Variants in FOLR1 observed in about 807,000 individuals in gnomAD.
FOLR1 encodes the protein folate receptor alpha, also known as KB cells FBP.
Under a neutral mutation model 22.8 loss-of-function variants are expected in FOLR1, and 11 were observed. The ratio of observed to expected loss-of-function variants is 0.48; its 90% CI spans 0.30 to 0.80. FOLR1 has a LOEUF of 0.80. FOLR1 is among the 30% of genes least tolerant of loss of function. The probability of loss-of-function intolerance (pLI) is 0.06; values close to 1 mark genes in which losing one functional copy is unlikely to be tolerated. For synonymous variants in FOLR1, 108 were observed against 116.5 expected (o/e 0.93, Z 0.47); for missense variants, 273 against 320.3 (o/e 0.85, Z 1.13).
chr11:72,192,123 C>T (rs1342523057), upstream of FOLR1: 4 of 1,609,950 alleles, frequency 2.5e-6, no homozygotes, highest in East Asian at 6.7e-5. Flanking sequence ...TAAGGCCCCA[C>T]CTCCGCATTC....
Position 72,195,884 on chromosome 11 carries a change from C to A in FOLR1, c.494-13C>A, listed in dbSNP as rs1390015403. 2.5e-6 allele frequency: 4 copies of A among 1,614,052 alleles called. No individual in the cohort carries two copies. The East Asian group carries it at 8.9e-5, about 36-fold the overall frequency. ...CGGGCCCAGTGGCTAAAGGTCTTCC[C>A]TCCTCTCTACAGGGTTTAACAAGTG... On this transcript the variant is annotated splice_polypyrimidine_tract_variant and intron_variant, in intron 3 of 3. Transcript: ENST00000393676.
chr11:72,191,273 A>C (rs1948152343), upstream of FOLR1, among the ~76,000 whole-genome samples: 2 of 152,156 alleles, frequency 1.3e-5, no homozygotes, highest in African/African-American at 4.8e-5. Flanking sequence ...TTGAGTGATG[A>C]GGCTAGAAAG....
chr11:72,193,898 C>T (rs1948191962), intron 1 of FOLR1, among the ~76,000 whole-genome samples: 1 of 152,032 alleles, frequency 6.6e-6, no homozygotes, highest in South Asian at 2.1e-4. Flanking sequence ...ATTCTCCTGC[C>T]TTGGCCTCCA....
chr11:72,194,788 G>A (rs868002528), intron 1 of FOLR1, among the ~76,000 whole-genome samples: 1 of 152,274 alleles, frequency 6.6e-6, no homozygotes, highest in Non-Finnish European at 1.5e-5. Flanking sequence ...ACCTGCCTTG[G>A]CCTCCCAAAG....
chr11:72,193,215 C>T (rs1331669205), intron 1 of FOLR1, among the ~76,000 whole-genome samples: 2 of 151,946 alleles, frequency 1.3e-5, no homozygotes, highest in African/African-American at 2.4e-5. Context: ...CACATGCCTG[C>T]AGTCCCAGCT....
At chr11:72,194,486 A>C (rs1289851672) in intron 1 of FOLR1, among the ~76,000 whole-genome samples, 2 of 151,848 alleles carry the variant, frequency 1.3e-5, no homozygotes, top group Non-Finnish European at 2.9e-5. Flanking sequence ...TGCAAGCTCC[A>C]CCTGCCGGGT....
chr11:72,191,229 C>T (rs1300374037), upstream of FOLR1, among the ~76,000 whole-genome samples: 2 of 152,184 alleles, frequency 1.3e-5, no homozygotes, highest in Admixed American at 6.5e-5. Flanking sequence ...CCACCAAGAT[C>T]CCATGGTTTC....
In FOLR1 at chr11:72,196,261, G is replaced by A. The variant is rs374669370; in HGVS notation, c.*84G>A. On this transcript the variant is annotated 3_prime_UTR_variant, in exon 4 of 4. Coordinates refer to ENST00000393676, the MANE Select transcript of FOLR1 (RefSeq NM_016729.3). Reference sequence around the variant, plus strand: ...ACTATTTGGTTCCTGCTCCATGGTCGGGCCTCTGACAGCCACTTTGAATAA... The same window carrying A: ...ACTATTTGGTTCCTGCTCCATGGTCAGGCCTCTGACAGCCACTTTGAATAA... The A allele has an allele frequency of 6.4e-5, 94 of 1,479,650 alleles. No homozygotes were observed. In the African/African-American group the frequency reaches 8.8e-4, roughly 14 times the overall value. 91.7% of individuals were successfully genotyped at this position (1,479,650 alleles called of 1,614,324 possible). A position where few individuals can be genotyped will look rare whatever the true frequency, so the allele number is the denominator to read the frequency against.
At chr11:72,195,134 A>G (rs1262918772) in intron 1 of FOLR1, 137 bp from the exon 2 acceptor site, 10 of 876,044 alleles carry the variant, frequency 1.1e-5, no homozygotes, top group Non-Finnish European at 1.7e-5. Context: ...AAGAGGTCCC[A>G]ATAGCAAGTA....
upstream of FOLR1, chr11:72,192,093 C>T: frequency 6.5e-7 from 1 of 1,530,896 alleles, no homozygotes; most frequent in Admixed American, 1.7e-5. Context: ...CCCCACCCTC[C>T]TGGAGCCCTG....
chr11:72,194,998 CA>C (rs34217205), intron 1 of FOLR1, among the ~76,000 whole-genome samples: 1 of 152,210 alleles, frequency 6.6e-6, no homozygotes, highest in South Asian at 2.1e-4. Flanking sequence ...CCAGTTTCTA[CA>C]AAAGTACCTG....
At chr11:72,191,272 G>T (rs1403197838), upstream of FOLR1, among the ~76,000 whole-genome samples, 1 of 152,132 alleles carries the variant, frequency 6.6e-6, no homozygotes, top group Non-Finnish European at 1.5e-5. Flanking sequence ...CTTGAGTGAT[G>T]AGGCTAGAAA....
Position 72,196,129 on chromosome 11 carries a change from G to A in FOLR1, c.726G>A (p.Trp242Ter), listed in dbSNP as rs752932113. ...GTGGGGCTGGGCCCTGGGCAGCCTG[G>A]CCTTTCCTGCTTAGCCTGGCCCTAA... ...AMSGAGPWAA[W>*]PFLLSLALML... Residue 242 changes from tryptophan to a stop codon, truncating the protein, a stop_gained, in exon 4 of 4, where the codon TGG becomes TGA. Transcript: ENST00000393676. LOFTEE classifies it low-confidence loss of function (END_TRUNC). The A allele has an allele frequency of 1.5e-5, 24 of 1,614,150 alleles. No homozygotes were observed. Among genetic ancestry groups the A allele is most frequent in the Non-Finnish European group, 1.6e-5 (19 of 1,180,028 alleles).
chr11:72,193,342 G>A (rs1003961837), intron 1 of FOLR1, among the ~76,000 whole-genome samples: 5 of 132,422 alleles, frequency 3.8e-5, no homozygotes, highest in East Asian at 4.9e-4. Context: ...AAGAAAGAAC[G>A]AAAAAAAGAA....
In FOLR1 at chr11:72,192,315, G is replaced by A; in HGVS notation, c.142G>A (p.Gly48Ser). Residue 48 changes from glycine to serine, a missense_variant, in exon 1 of 4, where the codon GGC (glycine) becomes AGC (serine). Coordinates refer to ENST00000393676, the MANE Select transcript of FOLR1 (RefSeq NM_016729.3). ...CGCCAAGCACCACAAGGAAAAGCCA[G>A]GCCCCGAGGACAAGTTGCATGAGCA... ...MNAKHHKEKP[G>S]PEDKLHEQCR... 4 of 1,614,162 alleles carry A rather than the reference G, an allele frequency of 2.5e-6. No individual in the cohort carries two copies. The highest frequency in any genetic ancestry group is 3.4e-6 in the Non-Finnish European group (4 of 1,180,038).
At chr11:72,196,303 G>A, downstream of FOLR1, 1 of 939,536 alleles carries the variant, frequency 1.1e-6, no homozygotes, top group Non-Finnish European at 1.7e-6. Context: ...CACCGCACAT[G>A]TGTCTTGAGA....
At chr11:72,193,315 G>A (rs1056301623) in intron 1 of FOLR1, among the ~76,000 whole-genome samples, 71 of 149,962 alleles carry the variant, frequency 4.7e-4, no homozygotes, top group African/African-American at 1.6e-3. Flanking sequence ...GCAACAGAGT[G>A]AGACCTTGTC....
At position 72,195,153 on chromosome 11, in the gene FOLR1, G is replaced by A; in HGVS notation, c.169-118G>A. On this transcript the variant is annotated intron_variant, in intron 1 of 3. Coordinates refer to ENST00000393676, the MANE Select transcript of FOLR1 (RefSeq NM_016729.3). ...GGTCCCAATAGCAAGTATTTTCCTGGGTGACTTCCAGTGGGCTGGGGAATC... is the reference window on the plus strand; with the variant it reads ...GGTCCCAATAGCAAGTATTTTCCTGAGTGACTTCCAGTGGGCTGGGGAATC... 3.9e-6 allele frequency: 4 copies of A among 1,028,818 alleles called. No individual in the cohort carries two copies. In the Admixed American group the frequency reaches 7.4e-5, roughly 19 times the overall value. The allele number at this position is 1,028,818 out of a possible 1,614,324, so 63.7% of individuals were successfully genotyped here. A position where few individuals can be genotyped will look rare whatever the true frequency, so the allele number is the denominator to read the frequency against.
rs755278391 is a variant in FOLR1 at position 72,195,991 on chromosome 11, C to T, written c.588C>T (p.Ser196=). The change falls in exon 4 of 4, where the codon TCC becomes TCT. Residue 196 remains serine, a synonymous_variant. Coordinates refer to ENST00000393676, the MANE Select transcript of FOLR1 (RefSeq NM_016729.3). ...TVLCNEIWTH[S]YKVSNYSRGS... ...TGTGCAATGAAATCTGGACTCACTCCTACAAGGTCAGCAACTACAGCCGAG... is the reference window on the plus strand; with the variant it reads ...TGTGCAATGAAATCTGGACTCACTCTTACAAGGTCAGCAACTACAGCCGAG... The T allele has an allele frequency of 8.1e-6, 13 of 1,614,082 alleles. No individual in the cohort carries two copies. The highest frequency in any genetic ancestry group is 4.4e-5 in the South Asian group (4 of 91,094).
Sources: allele counts gnomAD v4.1 joint callset (sites outside exome capture counted in the v4.1 genomes callset), GRCh38; gene constraint gnomAD v4.1.1; transcripts MANE v1.5; gene names NCBI Gene and HGNC (gene_info 2026-07-23, HGNC 2026-07-21).